Variants in CERT1 observed in about 807,000 individuals in gnomAD.
CERT1 encodes ceramide transporter 1.
CERT1 carries 31 observed loss-of-function variants against 87.9 expected under a neutral mutation model. That is an observed-to-expected ratio of 0.35 (90% CI 0.27 to 0.48). The LOEUF (loss-of-function observed/expected upper bound fraction) is 0.48, where lower values mean the gene tolerates loss of function less well. Ranked by LOEUF, CERT1 falls within the 20% of genes least tolerant of loss-of-function variation. The pLI is 0.99. For missense variants in CERT1, 487 were observed against 758.0 expected, an observed-to-expected ratio of 0.64 and a Z score of 4.20; for synonymous variants, 289 against 250.9, an observed-to-expected ratio of 1.15 and a Z score of -1.44.
chr5:75,395,500 G>C (rs2112060487), intron 11 of CERT1, among the ~76,000 whole-genome samples: 1 of 139,688 alleles, frequency 7.2e-6, no homozygotes, highest in East Asian at 2.1e-4. Flanking sequence ...TCAGGTTACA[G>C]AGCTATGATC....
At chr5:75,511,066 G>A (rs1267647515) in intron 1 of CERT1, 46 bp downstream of exon 1, 1 of 1,491,260 alleles carries the variant, frequency 6.7e-7, no homozygotes. Context: ...TTGCCTCGCT[G>A]CAGGTGAGTC....
intron 7 of CERT1, among the ~76,000 whole-genome samples, chr5:75,413,473 G>A (rs1763012717): frequency 1.3e-5 from 2 of 152,332 alleles, no homozygotes; most frequent in East Asian, 1.9e-4. Flanking sequence ...GCCAGGTGCA[G>A]TGGCATGTGC....
intron 3 of CERT1, among the ~76,000 whole-genome samples, chr5:75,431,544 G>A (rs1763867383): frequency 6.6e-6 from 1 of 152,178 alleles, no homozygotes; most frequent in African/African-American, 2.4e-5. Flanking sequence ...CCTTCTCTGT[G>A]TTATGGGGTT....
chr5:75,461,018 T>G (rs1420893685), intron 2 of CERT1, among the ~76,000 whole-genome samples: 1 of 152,198 alleles, frequency 6.6e-6, no homozygotes, highest in African/African-American at 2.4e-5. Flanking sequence ...ACGTCCAACA[T>G]TCATAAATAA....
chr5:75,504,959 A>G (rs1459181778), intron 2 of CERT1, among the ~76,000 whole-genome samples: 3 of 152,124 alleles, frequency 2.0e-5, no homozygotes, highest in Admixed American at 6.6e-5. Context: ...ACGAGTGCAA[A>G]AAGGAACAGT....
intron 2 of CERT1, among the ~76,000 whole-genome samples, chr5:75,488,865 T>G (rs2112419208): frequency 6.6e-6 from 1 of 152,324 alleles, no homozygotes; most frequent in South Asian, 2.1e-4. Flanking sequence ...TTCTCTATTC[T>G]GAGACATTTT....
intron 3 of CERT1, among the ~76,000 whole-genome samples, chr5:75,432,879 G>A (rs1763933314): frequency 6.6e-6 from 1 of 152,134 alleles, no homozygotes; most frequent in African/African-American, 2.4e-5. Flanking sequence ...TTTGTACAAG[G>A]TGAGAGGAAG....
At chr5:75,468,365 A>G (rs1382076682) in intron 2 of CERT1, among the ~76,000 whole-genome samples, 1 of 152,124 alleles carries the variant, frequency 6.6e-6, no homozygotes, top group Non-Finnish European at 1.5e-5. Flanking sequence ...GAATGCAGAG[A>G]TATCTCCTCT....
At chr5:75,442,870 T>C (rs1764382784) in intron 3 of CERT1, among the ~76,000 whole-genome samples, 1 of 152,206 alleles carries the variant, frequency 6.6e-6, no homozygotes, top group South Asian at 2.1e-4. Context: ...ATAATTATTC[T>C]ATTTTATTAT....
At chr5:75,450,929 C>A (rs1035581729) in intron 3 of CERT1, among the ~76,000 whole-genome samples, 3 of 152,088 alleles carry the variant, frequency 2.0e-5, no homozygotes, top group African/African-American at 7.2e-5. Flanking sequence ...TCAGGACCTC[C>A]TAGGGCTGTG....
At chr5:75,370,277 T>A (rs1180878968) in intron 17 of CERT1, 1 of 152,234 alleles carries the variant, frequency 6.6e-6, no homozygotes, top group African/African-American at 2.4e-5. Flanking sequence ...TCAATATGAA[T>A]CCACTGACTG....
At chr5:75,413,108 CTTT>C (rs1199416974) in intron 7 of CERT1, among the ~76,000 whole-genome samples, 5 of 151,788 alleles carry the variant, frequency 3.3e-5, no homozygotes, top group African/African-American at 1.2e-4. Context: ...ACTTTTTAAA[CTTT>C]TTTGTTATAA....
At chr5:75,384,870 T>C (rs1312810549) in intron 13 of CERT1, among the ~76,000 whole-genome samples, 158 bp from the exon 14 acceptor site, 1 of 152,110 alleles carries the variant, frequency 6.6e-6, no homozygotes, top group East Asian at 1.9e-4. Context: ...TAATACTTAG[T>C]ATTATGGTTA....
intron 11 of CERT1, among the ~76,000 whole-genome samples, chr5:75,395,331 T>C (rs1762203703): frequency 6.6e-6 from 1 of 152,092 alleles, no homozygotes; most frequent in Admixed American, 6.6e-5. Context: ...CCACAGCCAT[T>C]ATTTCAAGAA....
At chr5:75,510,277 T>C (rs1373866773) in intron 1 of CERT1, among the ~76,000 whole-genome samples, 1 of 152,006 alleles carries the variant, frequency 6.6e-6, no homozygotes, top group Non-Finnish European at 1.5e-5. Flanking sequence ...TGAATCTTCT[T>C]ACAGCAAAAA....
At chr5:75,459,919 G>A (rs545280827) in intron 2 of CERT1, among the ~76,000 whole-genome samples, 30 of 135,944 alleles carry the variant, frequency 2.2e-4, no homozygotes, top group African/African-American at 1.7e-4. Flanking sequence ...CCGAGATTGC[G>A]CCACTGCTCT....
chr5:75,480,052 T>C (rs1183889732), intron 2 of CERT1, among the ~76,000 whole-genome samples: 1 of 152,196 alleles, frequency 6.6e-6, no homozygotes, highest in Non-Finnish European at 1.5e-5. Context: ...CCTTACCTTC[T>C]AGTTTCAAGG....
At position 75,462,591 on chromosome 5, in the gene CERT1, A is replaced by T. The variant is rs146258754; in HGVS notation, c.232-3410T>A. ...TTTGAGGACCCCCGATCTAAAGGAA[A>T]AAAAGACTAAAAAGTTTAAAGAAGA... On this transcript the variant is annotated intron_variant, in intron 2 of 16. Coordinates refer to ENST00000643780, the MANE Select transcript of CERT1 (RefSeq NM_001379029.1). Among the ~76,000 whole-genome samples, 259 of 152,330 alleles carry T rather than the reference A, an allele frequency of 1.7e-3. 1 individual carries two copies. The highest frequency in any genetic ancestry group is 0.013 in the South Asian group (65 of 4,830).
At chr5:75,395,462 T>C (rs558844783) in intron 11 of CERT1, among the ~76,000 whole-genome samples, 2 of 150,980 alleles carry the variant, frequency 1.3e-5, no homozygotes, top group African/African-American at 4.9e-5. Context: ...GGAGGATCAC[T>C]TGTGTCCAGG....
Sources: allele counts gnomAD v4.1 joint callset (sites outside exome capture counted in the v4.1 genomes callset), GRCh38; gene constraint gnomAD v4.1.1; transcripts MANE v1.5; gene names NCBI Gene and HGNC (gene_info 2026-07-23, HGNC 2026-07-21).